Variants in AOPEP observed in about 807,000 individuals in gnomAD.
AOPEP encodes the protein aminopeptidase O (putative), also known as aminopeptidase O.
In AOPEP, 77 loss-of-function variants were observed where a neutral mutation model predicts 98.1. The observed-to-expected ratio is 0.78, with a 90% confidence interval of 0.65 to 0.95. The LOEUF is 0.95. Among genes scored for constraint, AOPEP ranks in the 40% least tolerant of loss-of-function variants. AOPEP has a pLI of 0.00. For synonymous variants in AOPEP, 346 were observed against 365.3 expected (o/e 0.95, Z 0.60); for missense variants, 1,024 against 1,024.7 (o/e 1.00, Z 0.01).
At chr9:95,048,830 AT>A (rs1276242732) in intron 13 of AOPEP, 1 of 152,190 alleles carries the variant, frequency 6.6e-6, no homozygotes, top group Non-Finnish European at 1.5e-5. Flanking sequence ...AGGCCTTCAA[AT>A]CAAAAAGGCC....
At chr9:95,062,782 T>C (rs895823538) in intron 14 of AOPEP, among the ~76,000 whole-genome samples, 1 of 152,216 alleles carries the variant, frequency 6.6e-6, no homozygotes, top group Non-Finnish European at 1.5e-5. Context: ...GCCAGGGTTC[T>C]GAATACTATC....
chr9:94,807,113 T>C (rs12345783), intron 5 of AOPEP, among the ~76,000 whole-genome samples: 13,488 of 152,196 alleles, frequency 0.089, 715 homozygotes, highest in African/African-American at 0.13. Context: ...GAGGCAGCCA[T>C]AGAATCTGGA....
At chr9:94,804,984 A>G (rs1848934447) in intron 5 of AOPEP, among the ~76,000 whole-genome samples, 2 of 152,132 alleles carry the variant, frequency 1.3e-5, no homozygotes, top group Non-Finnish European at 2.9e-5. Flanking sequence ...GGTGGGAACC[A>G]CTCTCATGGG....
chr9:94,969,734 A>G (rs534287262), intron 10 of AOPEP, among the ~76,000 whole-genome samples: 6 of 152,332 alleles, frequency 3.9e-5, no homozygotes, highest in African/African-American at 1.2e-4. Flanking sequence ...CAAAATTGGT[A>G]TTCAAACATT....
At chr9:95,001,157 T>C (rs1249541031) in intron 11 of AOPEP, among the ~76,000 whole-genome samples, 1 of 152,200 alleles carries the variant, frequency 6.6e-6, no homozygotes, top group African/African-American at 2.4e-5. Context: ...TCTCACTGTA[T>C]TTTTCCAGTG....
chr9:95,089,781 C>A (rs757863883), downstream of AOPEP, among the ~76,000 whole-genome samples: 19 of 152,234 alleles, frequency 1.2e-4, no homozygotes, highest in African/African-American at 4.3e-4. Flanking sequence ...CAGCTCCCCG[C>A]GGCCGACCCA....
the AOPEP span, among the ~76,000 whole-genome samples, chr9:95,128,901 C>T: frequency 6.6e-6 from 1 of 151,388 alleles, no homozygotes; most frequent in Admixed American, 6.6e-5. Flanking sequence ...GATTTGAAAA[C>T]CAGTCTCCTT....
intron 9 of AOPEP, among the ~76,000 whole-genome samples, chr9:94,956,242 A>T (rs1192210814): frequency 2.0e-5 from 3 of 152,202 alleles, no homozygotes; most frequent in African/African-American, 7.2e-5. Flanking sequence ...GTACACAGTG[A>T]TAGTTAAAGA....
chr9:94,985,385 GA>G (rs1316014439), intron 11 of AOPEP, among the ~76,000 whole-genome samples: 1 of 152,220 alleles, frequency 6.6e-6, no homozygotes, highest in Non-Finnish European at 1.5e-5. Flanking sequence ...ACAGAATTGA[GA>G]ATACTTGATA....
In AOPEP at chr9:94,913,523, A is replaced by T. The variant is rs58117015; in HGVS notation, c.1365-10463A>T. Among the ~76,000 whole-genome samples the T allele has an allele frequency of 3.4e-3, 514 of 152,320 alleles. 31 individuals carry two copies. The East Asian group carries it at 0.082, about 24-fold the overall frequency. ...GATTAGGAAATATGCTGTTATTCTT[A>T]AAAGTTCAATTATTTATGAATCCCC... On this transcript the variant is annotated intron_variant, in intron 5 of 16. Transcript: ENST00000375315.
chr9:94,808,570 G>A (rs187152344), intron 5 of AOPEP, among the ~76,000 whole-genome samples: 37 of 152,264 alleles, frequency 2.4e-4, no homozygotes, highest in Admixed American at 5.9e-4. Context: ...GTGACTCCTC[G>A]GAAAGTCTAG....
intron 14 of AOPEP, among the ~76,000 whole-genome samples, chr9:95,067,085 A>T (rs1185630555): frequency 6.6e-6 from 1 of 152,064 alleles, no homozygotes; most frequent in Non-Finnish European, 1.5e-5. Flanking sequence ...ATAGCTTTCC[A>T]GGTGGCTTTT....
chr9:95,110,789 A>G, the AOPEP span: 8 of 1,118,978 alleles, frequency 7.1e-6, no homozygotes, highest in African/African-American at 1.6e-5. Flanking sequence ...CAATGCTTGC[A>G]AGGGAGGTGC....
chr9:94,734,304 A>C, intron 1 of AOPEP, among the ~76,000 whole-genome samples: 1 of 152,138 alleles, frequency 6.6e-6, no homozygotes, highest in African/African-American at 2.4e-5. Flanking sequence ...TTCCTGTTAT[A>C]GGAAGTATAA....
intron 13 of AOPEP, among the ~76,000 whole-genome samples, chr9:95,014,183 T>C (rs1349285891): frequency 2.0e-5 from 3 of 152,184 alleles, no homozygotes; most frequent in Non-Finnish European, 4.4e-5. Flanking sequence ...AATACAAAAA[T>C]TGTCTGGTCA....
intron 5 of AOPEP, among the ~76,000 whole-genome samples, chr9:94,807,666 A>T (rs532020782): frequency 6.6e-6 from 1 of 152,372 alleles, no homozygotes; most frequent in South Asian, 2.1e-4. Context: ...AAAAAGAACA[A>T]TGGAGTTCAG....
At chr9:94,859,027 C>CACAAAAAAA (rs1554745834) in intron 5 of AOPEP, among the ~76,000 whole-genome samples, 4 of 132,816 alleles carry the variant, frequency 3.0e-5, no homozygotes, top group Non-Finnish European at 6.3e-5. Flanking sequence ...GACTCCATTT[C>CACAAAAAAA]AAAAAAAAAG....
rs201389982 is a variant in AOPEP, at chr9:94,792,907, G to A, written c.1107G>A (p.Glu369=). 17 of 1,607,864 alleles carry A rather than the reference G, an allele frequency of 1.1e-5. No homozygotes were observed. In the Admixed American group the frequency reaches 2.9e-4, roughly 27 times the overall value. Reference sequence around the variant, plus strand: ...CAGAGAGACCCTTCTCACCTTCTGAGGCCAACTTCAGGTTTGTGTTTGGGG... The same window carrying A: ...CAGAGAGACCCTTCTCACCTTCTGAAGCCAACTTCAGGTTTGTGTTTGGGG... ...LATERPFSPS[E]ANFRHVGVCS... is the part of the protein sequence containing the mutation. The change falls in exon 4 of 17, where the codon GAG becomes GAA. Residue 369 remains glutamate (E), a synonymous_variant. Coordinates refer to ENST00000375315, the MANE Select transcript of AOPEP (RefSeq NM_001193329.3).
At chr9:94,838,017 A>G (rs1564228024) in intron 5 of AOPEP, among the ~76,000 whole-genome samples, 1 of 149,538 alleles carries the variant, frequency 6.7e-6, no homozygotes, top group African/African-American at 2.4e-5. Context: ...AAACCCAGTA[A>G]TTTTTTTTTT....
Sources: allele counts gnomAD v4.1 joint callset (sites outside exome capture counted in the v4.1 genomes callset), GRCh38; gene constraint gnomAD v4.1.1; transcripts MANE v1.5; gene names NCBI Gene and HGNC (gene_info 2026-07-23, HGNC 2026-07-21).